Variants in CERKL observed in about 807,000 individuals in gnomAD.
CERKL encodes ceramide kinase-like protein.
CERKL carries 61 observed loss-of-function variants against 63.4 expected under a neutral mutation model. The observed-to-expected ratio is 0.96, with a 90% CI of 0.78 to 1.19. CERKL has a LOEUF of 1.19. CERKL is among the 50% of genes most tolerant of loss of function. The pLI is 0.00. For synonymous variants in CERKL, 250 were observed against 230.5 expected, an observed-to-expected ratio of 1.08 and a Z score of -0.77; for missense variants, 675 against 655.5, an observed-to-expected ratio of 1.03 and a Z score of -0.33.
intron 3 of CERKL, among the ~76,000 whole-genome samples, chr2:181,570,481 A>G (rs1688857248): frequency 6.6e-6 from 1 of 152,158 alleles, no homozygotes; most frequent in African/African-American, 2.4e-5. Context: ...AAATGATATC[A>G]TATGCCAGCA....
chr2:181,574,491 T>C (rs150694446), intron 2 of CERKL, among the ~76,000 whole-genome samples: 1 of 152,244 alleles, frequency 6.6e-6, no homozygotes, highest in African/African-American at 2.4e-5. Flanking sequence ...TTTTGGGAAT[T>C]GGGAAAGCAA....
intron 2 of CERKL, among the ~76,000 whole-genome samples, chr2:181,579,596 G>A (rs970747779): frequency 1.3e-5 from 2 of 151,708 alleles, no homozygotes; most frequent in Admixed American, 6.6e-5. Flanking sequence ...GAAAGTTTTC[G>A]CTTACACGGA....
chr2:181,588,043 A>G (rs1684838997), intron 2 of CERKL, among the ~76,000 whole-genome samples: 1 of 152,212 alleles, frequency 6.6e-6, no homozygotes, highest in African/African-American at 2.4e-5. Flanking sequence ...TTTGAAATAT[A>G]TATACATTGT....
At chr2:181,623,078 T>A (rs547685718) in intron 1 of CERKL, among the ~76,000 whole-genome samples, 46 of 152,330 alleles carry the variant, frequency 3.0e-4, no homozygotes, top group Admixed American at 1.0e-3. Context: ...TTTCAGGTGA[T>A]CCTCACAAGT....
At chr2:181,591,341 G>A (rs1218776550) in intron 2 of CERKL, among the ~76,000 whole-genome samples, 1 of 151,924 alleles carries the variant, frequency 6.6e-6, no homozygotes, top group Non-Finnish European at 1.5e-5. Context: ...TTGGAAACAT[G>A]TTAATGTCCT....
intron 1 of CERKL, among the ~76,000 whole-genome samples, chr2:181,634,667 A>C (rs770388779): frequency 6.6e-5 from 10 of 152,156 alleles, no homozygotes; most frequent in Non-Finnish European, 1.3e-4. Flanking sequence ...TGATTTATCC[A>C]GTCTACTCAA....
chr2:181,618,452 T>C (rs998222621), intron 1 of CERKL, among the ~76,000 whole-genome samples: 1 of 152,128 alleles, frequency 6.6e-6, no homozygotes, highest in Non-Finnish European at 1.5e-5. Flanking sequence ...AGTCTCACTC[T>C]GTTGCCCAGG....
chr2:181,640,092 T>C (rs1230715753), intron 1 of CERKL, among the ~76,000 whole-genome samples: 1 of 152,170 alleles, frequency 6.6e-6, no homozygotes, highest in Non-Finnish European at 1.5e-5. Context: ...CAATGGTAAC[T>C]ATTTTTGGTG....
At chr2:181,602,896 CA>C (rs1334133716) in intron 2 of CERKL, among the ~76,000 whole-genome samples, 9 of 151,538 alleles carry the variant, frequency 5.9e-5, no homozygotes, top group African/African-American at 1.7e-4. Context: ...AAATCTAAGA[CA>C]AAAAAAATAA....
rs771179300 is a variant in CERKL at position 181,565,459 on chromosome 2, G to A, written c.677+599C>T. On this transcript the variant is annotated intron_variant, in intron 4 of 12. Transcript: ENST00000410087. ...TTGGTTCTAACGTTTGCATGCCAGT[G>A]AACAATCTCTGTACACTCCAATGTA... 2.1e-5 allele frequency: 34 copies of A among 1,612,260 alleles called. No individual in the cohort carries two copies. Among genetic ancestry groups the A allele is most frequent in the Non-Finnish European group, 2.9e-5 (34 of 1,179,310 alleles).
chr2:181,551,531 A>T (rs1416981537), intron 5 of CERKL, among the ~76,000 whole-genome samples: 1 of 151,040 alleles, frequency 6.6e-6, no homozygotes, highest in Non-Finnish European at 1.5e-5. Context: ...AAAAGAAGAC[A>T]TTTATGTGGC....
intron 2 of CERKL, among the ~76,000 whole-genome samples, chr2:181,590,531 C>T (rs1307022904): frequency 6.6e-6 from 1 of 151,504 alleles, no homozygotes; most frequent in African/African-American, 2.4e-5. Flanking sequence ...TGTAACATAT[C>T]AAATAAAATG....
intron 3 of CERKL, among the ~76,000 whole-genome samples, chr2:181,567,174 C>T (rs1162478354): frequency 6.6e-6 from 1 of 152,004 alleles, no homozygotes; most frequent in African/African-American, 2.4e-5. Flanking sequence ...TATTAAATTC[C>T]AATCAGAAGA....
intron 1 of CERKL, among the ~76,000 whole-genome samples, chr2:181,647,487 C>A (rs1687719372): frequency 6.6e-6 from 1 of 152,092 alleles, no homozygotes; most frequent in African/African-American, 2.4e-5. Flanking sequence ...CAGCCTAGGC[C>A]ACTGAGGAAA....
chr2:181,540,372 GA>G (rs1358893958), intron 11 of CERKL, among the ~76,000 whole-genome samples: 1 of 152,192 alleles, frequency 6.6e-6, no homozygotes, highest in African/African-American at 2.4e-5. Flanking sequence ...TGCCTGTTAT[GA>G]TCTAAATTAT....
At chr2:181,581,035 C>T (rs1473106266) in intron 2 of CERKL, among the ~76,000 whole-genome samples, 1 of 152,154 alleles carries the variant, frequency 6.6e-6, no homozygotes, top group South Asian at 2.1e-4. Flanking sequence ...GGAGGCAACC[C>T]AGGTTTCCTC....
chr2:181,553,927 C>T (rs1338235947), intron 5 of CERKL, among the ~76,000 whole-genome samples: 1 of 152,102 alleles, frequency 6.6e-6, no homozygotes, highest in Non-Finnish European at 1.5e-5. Context: ...AAAGAACATG[C>T]TGCTCACATA....
chr2:181,580,387 A>T (rs1294327067), intron 2 of CERKL, among the ~76,000 whole-genome samples: 1 of 149,890 alleles, frequency 6.7e-6, no homozygotes, highest in Non-Finnish European at 1.5e-5. Context: ...CCTTTCCTTA[A>T]CTGCTTAATT....
chr2:181,609,541 A>G (rs1372258659), intron 1 of CERKL, among the ~76,000 whole-genome samples: 1 of 145,512 alleles, frequency 6.9e-6, no homozygotes, highest in African/African-American at 2.5e-5. Flanking sequence ...ACTAAAAAAA[A>G]AAAAAAAAAA....
Sources: gnomAD v4.1 joint callset for allele counts (sites outside exome capture counted in the v4.1 genomes callset) on GRCh38, gnomAD v4.1.1 for gene constraint, MANE v1.5 for transcripts, NCBI Gene and HGNC (gene_info 2026-07-23, HGNC 2026-07-21) for gene names.